Variants in ZBTB20 observed in about 807,000 individuals in gnomAD.
ZBTB20 encodes the protein zinc finger and BTB domain containing 20, also known as zinc finger and BTB domain-containing protein 20.
In ZBTB20, 9 loss-of-function variants were observed where a neutral mutation model predicts 56.9. That is an observed-to-expected ratio of 0.16 (90% CI 0.10 to 0.28). The LOEUF (loss-of-function observed/expected upper bound fraction) is 0.28, where lower values mean the gene tolerates loss of function less well. ZBTB20 is among the 10% of genes least tolerant of loss of function. ZBTB20 has a pLI of 1.00. For missense variants in ZBTB20, 655 were observed against 1,003.0 expected, an observed-to-expected ratio of 0.65 and a Z score of 4.69; for synonymous variants, 417 against 420.7, an observed-to-expected ratio of 0.99 and a Z score of 0.11.
intron 2 of ZBTB20, among the ~76,000 whole-genome samples, chr3:115,066,935 C>T (rs2082228055): frequency 1.3e-5 from 2 of 152,040 alleles, no homozygotes; most frequent in Admixed American, 6.6e-5. Context: ...TAATATTTTA[C>T]ATTTATATTT....
intron 1 of ZBTB20, among the ~76,000 whole-genome samples, chr3:115,093,521 G>C (rs1052595545): frequency 6.6e-5 from 10 of 152,164 alleles, no homozygotes; most frequent in African/African-American, 2.2e-4. Flanking sequence ...CAGACTGCTA[G>C]AAAAGTTCTT....
At chr3:114,748,335 T>TC (rs1560202212) in intron 5 of ZBTB20, among the ~76,000 whole-genome samples, 13 of 82,160 alleles carry the variant, frequency 1.6e-4, no homozygotes, top group East Asian at 7.2e-4. Context: ...TCTTTCTTTC[T>TC]TCTTTCTTTC....
intron 1 of ZBTB20, among the ~76,000 whole-genome samples, chr3:115,087,915 AC>A (rs1431214590): frequency 6.6e-6 from 1 of 151,960 alleles, no homozygotes; most frequent in African/African-American, 2.4e-5. Context: ...GGCAAGACAG[AC>A]TTTGGTTTAA....
chr3:114,662,005 T>A (rs1361628727), intron 6 of ZBTB20, among the ~76,000 whole-genome samples: 1 of 151,008 alleles, frequency 6.6e-6, no homozygotes, highest in African/African-American at 2.4e-5. Flanking sequence ...CTGCACCCAC[T>A]AACTCGTCAT....
At chr3:114,640,015 T>A (rs1333438114) in intron 6 of ZBTB20, among the ~76,000 whole-genome samples, 2 of 152,252 alleles carry the variant, frequency 1.3e-5, no homozygotes, top group Non-Finnish European at 2.9e-5. Context: ...TAGTTTAATT[T>A]TTTTTTATCA....
intron 6 of ZBTB20, among the ~76,000 whole-genome samples, chr3:114,610,693 G>T (rs1022700011): frequency 1.3e-5 from 2 of 152,150 alleles, no homozygotes; most frequent in African/African-American, 4.8e-5. Flanking sequence ...ATGAAATCAG[G>T]AGAGTCCAAA....
At chr3:114,561,391 C>T (rs188726637) in intron 6 of ZBTB20, among the ~76,000 whole-genome samples, 77 of 152,222 alleles carry the variant, frequency 5.1e-4, no homozygotes, top group Admixed American at 3.1e-3. Context: ...TCACTATCTA[C>T]GGTAGCTATA....
At position 114,328,670 on chromosome 3, in the gene ZBTB20, GC is replaced by G. The variant is rs1262755538; in HGVS notation, c.*10334del. On this transcript the variant is annotated 3_prime_UTR_variant, in exon 12 of 12. Coordinates refer to ENST00000675478, the MANE Select transcript of ZBTB20 (RefSeq NM_001348800.3). ...AACTCTGAAGCTAAAATGAAGACAT[GC>G]TTCACTCTGCCTACGAGTCTCAAGT... The G allele has an allele frequency of 6.6e-6, 1 of 152,100 alleles. No homozygotes were observed. Among genetic ancestry groups the G allele is most frequent in the Non-Finnish European group, 1.5e-5 (1 of 68,028 alleles). The allele number at this position is 152,100 out of a possible 1,614,324, so 9.4% of individuals were successfully genotyped here.
chr3:114,741,702 G>A (rs1277473860), intron 5 of ZBTB20, among the ~76,000 whole-genome samples: 4 of 149,562 alleles, frequency 2.7e-5, no homozygotes, highest in African/African-American at 7.4e-5. Flanking sequence ...GGGAAACCCC[G>A]TCTCTACTGA....
intron 4 of ZBTB20, among the ~76,000 whole-genome samples, chr3:114,836,346 C>T (rs375901597): frequency 6.6e-6 from 1 of 152,036 alleles, no homozygotes; most frequent in Admixed American, 6.6e-5. Flanking sequence ...AAAAATTCCA[C>T]CACAAAGATT....
At chr3:114,352,251 C>G (rs2080755080) in intron 10 of ZBTB20, among the ~76,000 whole-genome samples, 1 of 152,200 alleles carries the variant, frequency 6.6e-6, no homozygotes, top group African/African-American at 2.4e-5. Flanking sequence ...AACACTAAAC[C>G]TCCACTTTAT....
At chr3:115,033,841 T>C (rs995967802) in intron 2 of ZBTB20, among the ~76,000 whole-genome samples, 1 of 151,702 alleles carries the variant, frequency 6.6e-6, no homozygotes, top group African/African-American at 2.4e-5. Context: ...TTGACAAGGA[T>C]TGAAAATCCT....
At chr3:114,894,595 G>T (rs1013653053) in intron 4 of ZBTB20, among the ~76,000 whole-genome samples, 1 of 152,118 alleles carries the variant, frequency 6.6e-6, no homozygotes, top group Admixed American at 6.6e-5. Context: ...TATGACTGAT[G>T]TCCTTATAAA....
intron 7 of ZBTB20, among the ~76,000 whole-genome samples, chr3:114,484,379 A>G (rs2041876519): frequency 6.6e-6 from 1 of 152,182 alleles, no homozygotes; most frequent in Non-Finnish European, 1.5e-5. Context: ...CTTCAAGACA[A>G]AAGGAGAGCG....
At chr3:114,615,631 G>C (rs9852045) in intron 6 of ZBTB20, among the ~76,000 whole-genome samples, 1 of 152,006 alleles carries the variant, frequency 6.6e-6, no homozygotes. Context: ...TCATTTGATC[G>C]TCAATGAATA....
In ZBTB20 at chr3:114,331,814, T is replaced by G. The variant is rs2079268152; in HGVS notation, c.*7191A>C. 6.6e-6 allele frequency: 1 copy of G among 152,154 alleles called. No individual in the cohort carries two copies. The highest frequency in any genetic ancestry group is 1.5e-5 in the Non-Finnish European group (1 of 68,036). The allele number at this position is 152,154 out of a possible 1,614,324, so 9.4% of individuals were successfully genotyped here. ...CAGACCTTCGACTTCTAACCAGAAG[T>G]TCAAAAATGTATCTTGTTGTCACTG... On this transcript the variant is annotated 3_prime_UTR_variant, in exon 12 of 12. Coordinates refer to ENST00000675478, the MANE Select transcript of ZBTB20 (RefSeq NM_001348800.3).
chr3:114,445,375 C>A (rs1198288606), intron 7 of ZBTB20: 2 of 152,152 alleles, frequency 1.3e-5, no homozygotes, highest in Admixed American at 6.5e-5. Flanking sequence ...CATTAGCCCC[C>A]ACTCAGTCAT....
At chr3:114,352,990 A>C (rs2080840898) in intron 10 of ZBTB20, among the ~76,000 whole-genome samples, 1 of 152,196 alleles carries the variant, frequency 6.6e-6, no homozygotes, top group Non-Finnish European at 1.5e-5. Context: ...TGTTATGGCA[A>C]GGGATACTAT....
chr3:115,065,018 G>C (rs2082157357), intron 2 of ZBTB20, among the ~76,000 whole-genome samples: 1 of 152,042 alleles, frequency 6.6e-6, no homozygotes, highest in African/African-American at 2.4e-5. Flanking sequence ...TTTTATAACA[G>C]TTTCCTCCCT....
Sources: gnomAD v4.1 joint callset for allele counts (sites outside exome capture counted in the v4.1 genomes callset) on GRCh38, gnomAD v4.1.1 for gene constraint, MANE v1.5 for transcripts, NCBI Gene and HGNC (gene_info 2026-07-23, HGNC 2026-07-21) for gene names.